Variants in ABAT observed in about 807,000 individuals in gnomAD.
The protein encoded by ABAT is 4-aminobutyrate aminotransferase, mitochondrial.
ABAT carries 45 observed loss-of-function variants against 64.6 expected under a neutral mutation model. That is an observed-to-expected ratio of 0.70 (90% CI 0.55 to 0.89). The LOEUF (loss-of-function observed/expected upper bound fraction) is 0.89. Among genes scored for constraint, ABAT ranks in the 40% least tolerant of loss-of-function variants. The pLI, the probability that ABAT is intolerant of heterozygous loss-of-function variation, is 0.00. For synonymous variants in ABAT, 297 were observed against 250.5 expected (o/e 1.19, Z -1.75); for missense variants, 633 against 658.4 (o/e 0.96, Z 0.42).
Position 8,692,265 on chromosome 16 carries a change from C to T in ABAT, c.-42+17554C>T, listed in dbSNP as rs545604790. Reference sequence around the variant, plus strand: ...GCACTGTGGTTCATGCTTGTGGTCCCAGCTACCCGGGAGGCTGAGTTGGGA... The same window carrying T: ...GCACTGTGGTTCATGCTTGTGGTCCTAGCTACCCGGGAGGCTGAGTTGGGA... On this transcript the variant is annotated intron_variant, in intron 1 of 15. Coordinates refer to ENST00000268251, the MANE Select transcript of ABAT (RefSeq NM_020686.6). 2.8e-3 allele frequency among the ~76,000 whole-genome samples: 431 copies of T among 152,224 alleles called. 2 individuals carry two copies. The highest frequency in any genetic ancestry group is 4.7e-3 in the Non-Finnish European group (317 of 68,020).
At chr16:8,716,448 C>A (rs991314838) in intron 1 of ABAT, among the ~76,000 whole-genome samples, 1 of 152,102 alleles carries the variant, frequency 6.6e-6, no homozygotes, top group Non-Finnish European at 1.5e-5. Context: ...TTGCTGCAGT[C>A]GTGATCCCAG....
chr16:8,707,353 A>ATTTTTTTTTTTTTTT lies in ABAT; in HGVS notation c.-41-28343_-41-28329dup, dbSNP rs386384172. Reference sequence around the variant, plus strand: ...AGGCACACACTACCATGCCAGGGTAATTTTTTTTTTTTTTTTTAGCGGAGA... The same window carrying ATTTTTTTTTTTTTTT: ...AGGCACACACTACCATGCCAGGGTAATTTTTTTTTTTTTTTTTTTTTTTTTTTTTTTTAGCGGAGA... On this transcript the variant is annotated intron_variant, in intron 1 of 15. Transcript: ENST00000268251. 2.1e-3 allele frequency among the ~76,000 whole-genome samples: 258 copies of ATTTTTTTTTTTTTTT among 123,896 alleles called. 6 individuals are homozygous for ATTTTTTTTTTTTTTT. Among genetic ancestry groups the ATTTTTTTTTTTTTTT allele is most frequent in the African/African-American group, 8.2e-3 (246 of 30,142 alleles). 81.3% of individuals were successfully genotyped at this position (123,896 alleles called of 152,430 possible).
In ABAT at chr16:8,722,629, G is replaced by A. The variant is rs1385877166; in HGVS notation, c.-41-13070G>A. The A allele has an allele frequency of 8.3e-6, 3 of 361,846 alleles. No homozygotes were observed. The Admixed American group carries it at 1.1e-4, about 13-fold the overall frequency. 22.4% of individuals were successfully genotyped at this position (361,846 alleles called of 1,614,324 possible). A position where few individuals can be genotyped will look rare whatever the true frequency, so the allele number is the denominator to read the frequency against. On this transcript the variant is annotated intron_variant, in intron 1 of 15. Transcript: ENST00000268251. The stretch of plus-strand genomic sequence containing the variant: ...GGGAGATTGGGGGTCTCAGAGACCA[G>A]GAGGGCCAACAACCAGCCTGCTGTA...
chr16:8,701,466 C>G (rs2057820813), intron 1 of ABAT, among the ~76,000 whole-genome samples: 2 of 152,230 alleles, frequency 1.3e-5, no homozygotes, highest in South Asian at 4.1e-4. Context: ...ACCTGCCTGG[C>G]CAGAGGCCAC....
At chr16:8,770,749 C>T (rs1017855281) in intron 11 of ABAT, among the ~76,000 whole-genome samples, 11 of 152,100 alleles carry the variant, frequency 7.2e-5, no homozygotes, top group Admixed American at 4.6e-4. Context: ...CCAGGAGTCA[C>T]GTTTTTTAAA....
chr16:8,771,201 A>G (rs1327179546), intron 11 of ABAT, among the ~76,000 whole-genome samples: 1 of 151,954 alleles, frequency 6.6e-6, no homozygotes, highest in African/African-American at 2.4e-5. Context: ...AGGCCGAAGC[A>G]GGAGAATCAC....
intron 1 of ABAT, among the ~76,000 whole-genome samples, chr16:8,707,742 T>A (rs1205616577): frequency 1.3e-5 from 2 of 152,188 alleles, no homozygotes; most frequent in Non-Finnish European, 2.9e-5. Context: ...GAACTTTTTT[T>A]AAACTTTATT....
intron 2 of ABAT, among the ~76,000 whole-genome samples, chr16:8,737,991 G>A (rs71386459): frequency 0.24 from 3,484 of 14,310 alleles, 1,081 homozygotes; most frequent in Admixed American, 0.37. Context: ...GAAGGAAGGA[G>A]GAAAGAAAGA....
rs546309505 is a variant in ABAT at position 8,776,927 on chromosome 16, T to C, written c.1269+437T>C. ...TGTCTATTTATTTTTTGAGACCAAG[T>C]CTTGCTTTGTACCCAGGCTGGAGTG... On this transcript the variant is annotated intron_variant, in intron 14 of 15. Coordinates refer to ENST00000268251, the MANE Select transcript of ABAT (RefSeq NM_020686.6). This position sits in a 1 kb window ranked among gnomAD's most constrained non-coding sequence, Gnocchi z 4.4. Among the ~76,000 whole-genome samples, 9 of 152,076 alleles carry C rather than the reference T, an allele frequency of 5.9e-5. No homozygotes were observed. In the South Asian group the frequency reaches 1.9e-3, roughly 32 times the overall value.
chr16:8,780,537 A>C (rs2060403424), intron 15 of ABAT: 1 of 155,218 alleles, frequency 6.4e-6, no homozygotes, highest in South Asian at 2.0e-4. Context: ...CGACGTGGGC[A>C]GATCAGCTGA....
intron 1 of ABAT, among the ~76,000 whole-genome samples, chr16:8,723,960 C>T (rs2142214162): frequency 6.6e-6 from 1 of 150,566 alleles, no homozygotes; most frequent in South Asian, 2.1e-4. Flanking sequence ...CCTGTGTCAG[C>T]CTCCCCAGTA....
chr16:8,736,363 A>G (rs11074534), intron 2 of ABAT: 121,174 of 169,076 alleles, frequency 0.72, 44,177 homozygotes, highest in Admixed American at 0.79. Flanking sequence ...CATCTCTGTC[A>G]TATGATCCTG....
chr16:8,762,128 G>T (rs1031315492), intron 6 of ABAT, among the ~76,000 whole-genome samples: 3 of 152,022 alleles, frequency 2.0e-5, no homozygotes, highest in South Asian at 4.1e-4. Context: ...CCTCCTAAGT[G>T]ACTGGGATTA....
chr16:8,719,997 G>C (rs1189170311), intron 1 of ABAT, among the ~76,000 whole-genome samples: 2 of 152,142 alleles, frequency 1.3e-5, no homozygotes, highest in African/African-American at 2.4e-5. Context: ...TTTTTTTGTA[G>C]AGTTGGGACT....
At position 8,764,715 on chromosome 16, in the gene ABAT, C is replaced by T. The variant is rs2059893089; in HGVS notation, c.448-23C>T. 6.2e-7 allele frequency: 1 copy of T among 1,608,886 alleles called. No individual in the cohort carries two copies. ...ACAGGAGTCATGATGAGCCTGGGCT[C>T]ACGGCTATTTCCCTCCCCACAGGTG... On this transcript the variant is annotated intron_variant, in intron 7 of 15. Coordinates refer to ENST00000268251, the MANE Select transcript of ABAT (RefSeq NM_020686.6). The surrounding 1 kb of genome is among the most constrained non-coding windows in gnomAD (Gnocchi z 4.2).
At chr16:8,766,465 G>C (rs1482371931) in intron 9 of ABAT, among the ~76,000 whole-genome samples, 195 bp downstream of exon 9, 2 of 152,102 alleles carry the variant, frequency 1.3e-5, no homozygotes, top group Non-Finnish European at 2.9e-5. Context: ...GACCAGCCTG[G>C]CTAATATGGT....
chr16:8,736,919 T>G (rs2058959221), intron 2 of ABAT: 1 of 152,232 alleles, frequency 6.6e-6, no homozygotes, highest in Admixed American at 6.6e-5. Flanking sequence ...AGTGGCCTCC[T>G]GCAGAGATAT....
At chr16:8,734,365 G>C (rs150379754) in intron 1 of ABAT, among the ~76,000 whole-genome samples, 15 of 152,258 alleles carry the variant, frequency 9.9e-5, no homozygotes, top group African/African-American at 3.6e-4. Flanking sequence ...AACAGTACTT[G>C]GTACAAAGTC....
At chr16:8,703,892 T>G (rs1388020895) in intron 1 of ABAT, among the ~76,000 whole-genome samples, 1 of 152,226 alleles carries the variant, frequency 6.6e-6, no homozygotes, top group Non-Finnish European at 1.5e-5. Context: ...CATGAATTAA[T>G]AGGTGTAGCT....
Sources: gnomAD v4.1 joint callset for allele counts (sites outside exome capture counted in the v4.1 genomes callset) on GRCh38, gnomAD v4.1.1 for gene constraint, Gnocchi (gnomAD v3.1) non-coding constraint, MANE v1.5 for transcripts, NCBI Gene and HGNC (gene_info 2026-07-23, HGNC 2026-07-21) for gene names.